AUTS2: variants seen among roughly 807,000 people sequenced by gnomAD.
The protein encoded by AUTS2 is autism susceptibility gene 2 protein.
AUTS2 carries 17 observed loss-of-function variants against 112.4 expected under a neutral mutation model. The ratio of observed to expected loss-of-function variants is 0.15; its 90% CI spans 0.10 to 0.23. The LOEUF (loss-of-function observed/expected upper bound fraction) is 0.23. Ranked by LOEUF, AUTS2 falls within the 10% of genes least tolerant of loss-of-function variation. The pLI, the probability that AUTS2 is intolerant of heterozygous loss-of-function variation, is 1.00. For synonymous variants in AUTS2, 751 were observed against 702.7 expected, an observed-to-expected ratio of 1.07 and a Z score of -1.09; for missense variants, 1,510 against 1,701.6, an observed-to-expected ratio of 0.89 and a Z score of 1.98.
chr7:70,123,076 A>G (rs1292549410), intron 3 of AUTS2, among the ~76,000 whole-genome samples: 1 of 151,852 alleles, frequency 6.6e-6, no homozygotes, highest in East Asian at 1.9e-4. Context: ...GGGCTTCACC[A>G]TGTTGGCCAG....
intron 1 of AUTS2, among the ~76,000 whole-genome samples, chr7:69,754,620 T>C (rs1787874932): frequency 6.6e-6 from 1 of 152,076 alleles, no homozygotes; most frequent in African/African-American, 2.4e-5. Context: ...GTGGGGCCTA[T>C]TTAGGTCATC....
At chr7:70,733,369 C>T (rs1169354732) in intron 6 of AUTS2, among the ~76,000 whole-genome samples, 1 of 152,182 alleles carries the variant, frequency 6.6e-6, no homozygotes, top group Non-Finnish European at 1.5e-5. Context: ...CTTAGAAACC[C>T]TCACTGCTGC....
chr7:70,016,636 G>A (rs1181992458), intron 2 of AUTS2, among the ~76,000 whole-genome samples: 1 of 151,866 alleles, frequency 6.6e-6, no homozygotes, highest in Non-Finnish European at 1.5e-5. Context: ...ACCATGGAGA[G>A]AAAGGGAGAA....
chr7:69,718,977 T>C (rs764170183), intron 1 of AUTS2, among the ~76,000 whole-genome samples: 5 of 152,224 alleles, frequency 3.3e-5, no homozygotes, highest in Non-Finnish European at 5.9e-5. Context: ...TCAAGGAAGC[T>C]AGAGATCCTC....
intron 4 of AUTS2, among the ~76,000 whole-genome samples, chr7:70,168,377 C>T (rs544245868): frequency 6.6e-5 from 10 of 152,300 alleles, no homozygotes; most frequent in African/African-American, 1.9e-4. Flanking sequence ...AATGCAGTGG[C>T]GTGATCTTGG....
At chr7:69,635,808 G>A (rs1246906367) in intron 1 of AUTS2, among the ~76,000 whole-genome samples, 1 of 152,194 alleles carries the variant, frequency 6.6e-6, no homozygotes. Flanking sequence ...AACACTTGTC[G>A]CTACTGACAT....
chr7:69,665,526 T>C (rs781077842), intron 1 of AUTS2, among the ~76,000 whole-genome samples: 9 of 152,272 alleles, frequency 5.9e-5, no homozygotes, highest in Non-Finnish European at 1.3e-4. Flanking sequence ...ACTTACATAG[T>C]CAGGATCATA....
rs118169165 is a variant in AUTS2, at chr7:69,877,386, A to G, written c.310-21900A>G. Among the ~76,000 whole-genome samples, 1,207 of 152,336 alleles carry G rather than the reference A, an allele frequency of 7.9e-3. 10 individuals are homozygous for G. The highest frequency in any genetic ancestry group is 0.014 in the Non-Finnish European group (934 of 68,034). On this transcript the variant is annotated intron_variant, in intron 1 of 18. Coordinates refer to ENST00000342771, the MANE Select transcript of AUTS2 (RefSeq NM_015570.4). ...CACCTCATTTTAAAGTTTTATATTT[A>G]TACTACTGTACTAATATATAGATCA...
chr7:69,620,794 C>T (rs1176068809), intron 1 of AUTS2, among the ~76,000 whole-genome samples: 1 of 152,060 alleles, frequency 6.6e-6, no homozygotes, highest in Non-Finnish European at 1.5e-5. Flanking sequence ...AACATTTTTA[C>T]CAGTTTATGT....
At chr7:69,876,347 AAAATATATAT>A (rs1320820642) in intron 1 of AUTS2, among the ~76,000 whole-genome samples, 37 of 46,436 alleles carry the variant, frequency 8.0e-4, no homozygotes, top group Non-Finnish European at 1.2e-3. Context: ...AAAAAAAAAA[AAAATATATAT>A]ATATATATAT....
At chr7:70,512,277 G>A (rs1427096074) in intron 5 of AUTS2, among the ~76,000 whole-genome samples, 1 of 152,194 alleles carries the variant, frequency 6.6e-6, no homozygotes, top group Non-Finnish European at 1.5e-5. Context: ...GGCCTTTGCG[G>A]GGCTTTTTTT....
At chr7:70,317,868 A>G (rs1246636835) in intron 4 of AUTS2, among the ~76,000 whole-genome samples, 2 of 152,096 alleles carry the variant, frequency 1.3e-5, no homozygotes, top group Non-Finnish European at 2.9e-5. Flanking sequence ...ATCTTTTTGG[A>G]TTGTATCAAT....
chr7:70,221,367 G>A (rs1811475903), intron 4 of AUTS2, among the ~76,000 whole-genome samples: 1 of 151,880 alleles, frequency 6.6e-6, no homozygotes, highest in Non-Finnish European at 1.5e-5. Flanking sequence ...TCTTCTTTTG[G>A]TGTAAAATTT....
intron 2 of AUTS2, among the ~76,000 whole-genome samples, chr7:69,933,730 CT>C (rs1256604977): frequency 6.6e-6 from 1 of 152,098 alleles, no homozygotes; most frequent in Non-Finnish European, 1.5e-5. Context: ...GTCTCAAACT[CT>C]TGGCCTCAAG....
chr7:69,840,960 T>A (rs1391297902), intron 1 of AUTS2, among the ~76,000 whole-genome samples: 1 of 152,182 alleles, frequency 6.6e-6, no homozygotes, highest in African/African-American at 2.4e-5. Flanking sequence ...GGGAACAGAA[T>A]AATCTTATTA....
chr7:70,483,133 C>T (rs1797855110), intron 5 of AUTS2, among the ~76,000 whole-genome samples: 1 of 152,018 alleles, frequency 6.6e-6, no homozygotes, highest in Non-Finnish European at 1.5e-5. Flanking sequence ...TCTCTGGGGC[C>T]CCTGAATTTG....
intron 3 of AUTS2, among the ~76,000 whole-genome samples, chr7:70,121,337 A>G (rs1805672252): frequency 6.6e-6 from 1 of 152,158 alleles, no homozygotes; most frequent in Non-Finnish European, 1.5e-5. Context: ...TGAAAGAGAA[A>G]ATAAATTGGA....
chr7:70,457,430 G>T (rs954357652), intron 5 of AUTS2, among the ~76,000 whole-genome samples: 4 of 152,180 alleles, frequency 2.6e-5, no homozygotes, highest in African/African-American at 9.7e-5. Context: ...TTCTGGAGGG[G>T]TAGGAACAGA....
At chr7:70,084,691 T>C (rs1295618997) in intron 2 of AUTS2, among the ~76,000 whole-genome samples, 1 of 152,230 alleles carries the variant, frequency 6.6e-6, no homozygotes, top group Non-Finnish European at 1.5e-5. Flanking sequence ...TGGTGAATTC[T>C]GTTTATATCT....
Sources: allele counts gnomAD v4.1 joint callset (sites outside exome capture counted in the v4.1 genomes callset), GRCh38; gene constraint gnomAD v4.1.1; transcripts MANE v1.5; gene names NCBI Gene and HGNC (gene_info 2026-07-23, HGNC 2026-07-21).